The following SLC25A21 variants were observed in gnomAD, a reference collection of about 807,000 sequenced individuals.
SLC25A21 encodes solute carrier family 25 member 21.
A neutral mutation model predicts 43.8 loss-of-function variants in SLC25A21; 47 were observed. The ratio of observed to expected loss-of-function variants is 1.07; its 90% confidence interval spans 0.85 to 1.37. The LOEUF is 1.37. Ranked by LOEUF, SLC25A21 falls within the 40% of genes most tolerant of loss-of-function variation. SLC25A21 has a pLI of 0.00. For missense variants in SLC25A21, 352 were observed against 350.2 expected (o/e 1.00, Z -0.04); for synonymous variants, 131 against 121.3 (o/e 1.08, Z -0.52).
At chr14:36,799,182 T>C (rs1887780131) in intron 3 of SLC25A21, among the ~76,000 whole-genome samples, 1 of 152,086 alleles carries the variant, frequency 6.6e-6, no homozygotes, top group African/African-American at 2.4e-5. Context: ...GCCATCATGC[T>C]CTGAGGAGGT....
chr14:36,711,542 T>G, intron 6 of SLC25A21, 60 bp from the exon 7 acceptor site: 1 of 1,533,400 alleles, frequency 6.5e-7, no homozygotes, highest in Non-Finnish European at 8.8e-7. Context: ...ATACAGTAAA[T>G]TACCGTATTA....
At chr14:37,027,519 G>A (rs898964437) in intron 1 of SLC25A21, among the ~76,000 whole-genome samples, 1 of 152,102 alleles carries the variant, frequency 6.6e-6, no homozygotes, top group Admixed American at 6.6e-5. Context: ...TTATCTCTTT[G>A]TGGAAGTTCC....
intron 1 of SLC25A21, among the ~76,000 whole-genome samples, chr14:37,083,423 A>G (rs1023565543): frequency 6.6e-6 from 1 of 152,186 alleles, no homozygotes; most frequent in African/African-American, 2.4e-5. Flanking sequence ...AACAATAACA[A>G]TAACACACGT....
intron 3 of SLC25A21, among the ~76,000 whole-genome samples, chr14:36,809,928 A>C (rs1170171684): frequency 1.3e-5 from 2 of 152,230 alleles, no homozygotes; most frequent in African/African-American, 4.8e-5. Flanking sequence ...TAAGAAAGTC[A>C]AAAGAACTTC....
At chr14:37,000,735 C>T (rs548162973) in intron 1 of SLC25A21, among the ~76,000 whole-genome samples, 2 of 152,240 alleles carry the variant, frequency 1.3e-5, no homozygotes, top group South Asian at 4.1e-4. Flanking sequence ...TTCCCCCTTG[C>T]TATTTTTGTG....
In SLC25A21 at chr14:36,734,517, CT is replaced by C; in HGVS notation, c.259del (p.Arg87GlufsTer3). 6.2e-7 allele frequency: 1 copy of C among 1,607,164 alleles called. No homozygotes were observed. The highest frequency in any genetic ancestry group is 8.5e-7 in the Non-Finnish European group (1 of 1,176,272). On this transcript the variant is annotated frameshift_variant, in exon 4 of 10. Coordinates refer to ENST00000331299, the MANE Select transcript of SLC25A21 (RefSeq NM_030631.4). LOFTEE classifies it high-confidence loss of function. ...GCATGCAATGCTTACCTTCACTGCT[CT>C]TTTTGGGGTTTCAGCCAAGATAGGT... ...LPPILAETPKRAVKFFTFEQY... is the reference protein window; with the variant it reads ...LPPILAETPKXAVKFFTFEQY...
At chr14:36,700,062 C>T (rs895877258) in intron 7 of SLC25A21, among the ~76,000 whole-genome samples, 1 of 152,148 alleles carries the variant, frequency 6.6e-6, no homozygotes, top group Non-Finnish European at 1.5e-5. Flanking sequence ...GGAGCTGTTC[C>T]TATTCGGCCA....
At chr14:36,685,021 C>T in intron 7 of SLC25A21, 96 bp from the exon 8 acceptor site, 1 of 849,356 alleles carries the variant, frequency 1.2e-6, no homozygotes, top group South Asian at 2.5e-5. Context: ...CAGAGCATTG[C>T]ACTCCCGGCA....
intron 2 of SLC25A21, among the ~76,000 whole-genome samples, chr14:36,849,171 G>A (rs890200376): frequency 1.3e-5 from 2 of 152,166 alleles, no homozygotes; most frequent in African/African-American, 4.8e-5. Context: ...AAAATAAAAT[G>A]TGGGAGTTTG....
chr14:37,139,982 T>C (rs1330915393), intron 1 of SLC25A21, among the ~76,000 whole-genome samples: 2 of 152,136 alleles, frequency 1.3e-5, no homozygotes, highest in Non-Finnish European at 2.9e-5. Context: ...CCGGAGGAAA[T>C]AAAATTAAAG....
chr14:37,040,461 G>C (rs1007447532), intron 1 of SLC25A21, among the ~76,000 whole-genome samples: 1 of 149,850 alleles, frequency 6.7e-6, no homozygotes, highest in Non-Finnish European at 1.5e-5. Flanking sequence ...TAGTTACAGG[G>C]TGAGGTCAAA....
At chr14:36,789,596 A>G (rs1488459696) in intron 3 of SLC25A21, among the ~76,000 whole-genome samples, 1 of 149,474 alleles carries the variant, frequency 6.7e-6, no homozygotes, top group Non-Finnish European at 1.5e-5. Flanking sequence ...ATAAAAATAA[A>G]ATGTTTAAGA....
chr14:36,694,443 G>A (rs1882929553), intron 7 of SLC25A21, among the ~76,000 whole-genome samples: 1 of 152,160 alleles, frequency 6.6e-6, no homozygotes, highest in African/African-American at 2.4e-5. Flanking sequence ...CAAGATGGCT[G>A]GGTCAAATGG....
At chr14:37,043,045 G>A (rs899775827) in intron 1 of SLC25A21, among the ~76,000 whole-genome samples, 1 of 152,256 alleles carries the variant, frequency 6.6e-6, no homozygotes, top group Admixed American at 6.5e-5. Context: ...CCAGCCACCA[G>A]TGGCCCAAGT....
intron 1 of SLC25A21, among the ~76,000 whole-genome samples, chr14:36,985,093 G>A (rs996494275): frequency 2.0e-5 from 3 of 150,192 alleles, no homozygotes; most frequent in Non-Finnish European, 3.0e-5. Context: ...ACCAAACACC[G>A]CATATTCTCA....
intron 1 of SLC25A21, among the ~76,000 whole-genome samples, chr14:37,008,615 G>A (rs1395119014): frequency 6.6e-6 from 1 of 152,142 alleles, no homozygotes; most frequent in Non-Finnish European, 1.5e-5. Flanking sequence ...TGTTAGAGAA[G>A]CACCCCATAA....
chr14:37,031,859 C>T (rs79038881), intron 1 of SLC25A21, among the ~76,000 whole-genome samples: 3,132 of 152,266 alleles, frequency 0.021, 75 homozygotes, highest in African/African-American at 0.061. Context: ...CAGACTGGCT[C>T]TTTCTTTTTC....
At chr14:36,979,237 C>T (rs918702869) in intron 1 of SLC25A21, among the ~76,000 whole-genome samples, 21 of 151,596 alleles carry the variant, frequency 1.4e-4, no homozygotes, top group Admixed American at 1.4e-3. Flanking sequence ...GCTTATATTC[C>T]TATATTGAAA....
chr14:37,037,442 C>G (rs74045265), intron 1 of SLC25A21, among the ~76,000 whole-genome samples: 10,984 of 152,128 alleles, frequency 0.072, 844 homozygotes, highest in African/African-American at 0.19. Flanking sequence ...ATCCTCTACA[C>G]GAGAAAAGCT....
Sources: allele counts gnomAD v4.1 joint callset (sites outside exome capture counted in the v4.1 genomes callset), GRCh38; gene constraint gnomAD v4.1.1; transcripts MANE v1.5; gene names NCBI Gene and HGNC (gene_info 2026-07-23, HGNC 2026-07-21).